The following ETV1 variants were observed in gnomAD, a reference collection of about 807,000 sequenced individuals.
ETV1 encodes ETS variant transcription factor 1, also known as ETS translocation variant 1.
ETV1 carries 27 observed loss-of-function variants against 62.3 expected under a neutral mutation model. That is an observed-to-expected ratio of 0.43 (90% CI 0.32 to 0.60). The LOEUF (loss-of-function observed/expected upper bound fraction) is 0.60. Among genes scored for constraint, ETV1 ranks in the 20% least tolerant of loss-of-function variants. ETV1 has a pLI of 0.06. For synonymous variants in ETV1, 222 were observed against 199.6 expected, an observed-to-expected ratio of 1.11 and a Z score of -0.94; for missense variants, 605 against 605.8, an observed-to-expected ratio of 1.00 and a Z score of 0.01.
At chr7:13,962,660 A>T (rs1292972138) in intron 6 of ETV1, among the ~76,000 whole-genome samples, 2 of 152,104 alleles carry the variant, frequency 1.3e-5, no homozygotes, top group East Asian at 3.9e-4. Context: ...GAAGCTGAAG[A>T]CCTATGTATA....
chr7:13,963,121 T>G (rs1182557023), intron 6 of ETV1, among the ~76,000 whole-genome samples: 1 of 152,106 alleles, frequency 6.6e-6, no homozygotes, highest in African/African-American at 2.4e-5. Context: ...TATCCCAAGG[T>G]AACTGTGAGA....
At chr7:13,918,680 C>T (rs1355408341) in intron 9 of ETV1, among the ~76,000 whole-genome samples, 1 of 148,984 alleles carries the variant, frequency 6.7e-6, no homozygotes, top group Non-Finnish European at 1.5e-5. Flanking sequence ...ACAATGAGAT[C>T]ACATGGACGC....
At chr7:13,922,157 T>G (rs1300111723) in intron 9 of ETV1, among the ~76,000 whole-genome samples, 3 of 152,084 alleles carry the variant, frequency 2.0e-5, no homozygotes, top group Non-Finnish European at 4.4e-5. Flanking sequence ...AAATAATTTG[T>G]TTAGGTGTTC....
At chr7:13,916,337 A>G (rs943456852) in intron 9 of ETV1, among the ~76,000 whole-genome samples, 3 of 152,140 alleles carry the variant, frequency 2.0e-5, no homozygotes, top group Non-Finnish European at 2.9e-5. Flanking sequence ...AAATCTTAAA[A>G]AAAAGAGAGA....
chr7:13,933,959 G>C (rs769895697), intron 8 of ETV1, among the ~76,000 whole-genome samples: 10 of 152,198 alleles, frequency 6.6e-5, no homozygotes, highest in Admixed American at 2.0e-4. Context: ...GAAATAACCA[G>C]TTTGCACAAA....
chr7:13,988,661 T>G, intron 3 of ETV1: 4 of 1,528,070 alleles, frequency 2.6e-6, no homozygotes, highest in Middle Eastern at 1.8e-4. Flanking sequence ...AAACAAAAAG[T>G]GTCAGCATTT....
At chr7:13,971,047 C>T (rs1158620866) in intron 6 of ETV1, among the ~76,000 whole-genome samples, 3 of 152,128 alleles carry the variant, frequency 2.0e-5, no homozygotes, top group Admixed American at 1.3e-4. Context: ...TCTTGGCTCA[C>T]GGCAACCTCT....
chr7:13,940,760 C>T (rs1028823789), intron 6 of ETV1, among the ~76,000 whole-genome samples: 1 of 152,138 alleles, frequency 6.6e-6, no homozygotes, highest in Admixed American at 6.5e-5. Context: ...CTTGCATTAG[C>T]TTGAATGTTA....
At chr7:13,919,890 C>CAGAGAGAG (rs34895274) in intron 9 of ETV1, among the ~76,000 whole-genome samples, 4 of 149,242 alleles carry the variant, frequency 2.7e-5, no homozygotes, top group South Asian at 2.1e-4. Context: ...GACACACACA[C>CAGAGAGAG]AGAGAGAGAG....
chr7:13,934,127 C>A (rs929955631), intron 8 of ETV1, among the ~76,000 whole-genome samples: 1 of 152,128 alleles, frequency 6.6e-6, no homozygotes, highest in Non-Finnish European at 1.5e-5. Flanking sequence ...TGTTTAATGG[C>A]CCACCCTGCA....
rs1229655088 is a variant in ETV1, at chr7:13,931,736, G to C, written c.568C>G (p.Leu190Val). Reference protein sequence around the residue: ...YPMDHRFRRQLSEPCNSFPPL... With the variant: ...YPMDHRFRRQVSEPCNSFPPL... ...GGAAAGGAGTTACAGGGTTCAGAAA[G>C]CTGGCGGCGAAATCTAGGGAATAAG... Residue 190 changes from leucine (L) to valine (V), a missense_variant, in exon 9 of 14, where the codon CTT (leucine) becomes GTT (valine). By Grantham distance (32) the Leu-to-Val change is conservative (BLOSUM62 1). Around this residue, in one of 3 missense-constraint regions of ETV1, gnomAD observed 426 missense variants for 377.8 expected, o/e 1.13. Transcript: ENST00000430479. 6.2e-7 allele frequency: 1 copy of C among 1,613,982 alleles called. No homozygotes were observed.
chr7:13,969,214 T>C lies in ETV1; in HGVS notation c.235+8213A>G, dbSNP rs189773415. Among the ~76,000 whole-genome samples, 956 of 152,300 alleles carry C rather than the reference T, an allele frequency of 6.3e-3. 7 individuals are homozygous for C. The highest frequency in any genetic ancestry group is 0.011 in the Non-Finnish European group (752 of 68,016). ...AATTGGTTCCAGTATAAAAGAAATC[T>C]ACAATCAGCAATGACTTTCTCACAG... On this transcript the variant is annotated intron_variant, in intron 6 of 13. Transcript: ENST00000430479.
rs188416293 is a variant in ETV1, at chr7:13,975,601, A to G, written c.235+1826T>C. Among the ~76,000 whole-genome samples the G allele has an allele frequency of 7.1e-3, 1,061 of 149,700 alleles. 18 individuals carry two copies. The highest frequency in any genetic ancestry group is 0.025 in the African/African-American group (1,021 of 40,904). On this transcript the variant is annotated intron_variant, in intron 6 of 13. Coordinates refer to ENST00000430479, the MANE Select transcript of ETV1 (RefSeq NM_004956.5). ...AAAAGAAAAGAAAAGAAAAAAAAAA[A>G]GGAAAGGTTTCGGGACAGAACCCTA...
chr7:13,922,594 G>A (rs541553827), intron 9 of ETV1, among the ~76,000 whole-genome samples: 1 of 152,078 alleles, frequency 6.6e-6, no homozygotes, highest in South Asian at 2.1e-4. Context: ...AAACACATCA[G>A]CCAAAACAAA....
At chr7:13,953,577 C>T (rs1165763720) in intron 6 of ETV1, among the ~76,000 whole-genome samples, 6 of 151,634 alleles carry the variant, frequency 4.0e-5, no homozygotes, top group South Asian at 4.2e-4. Flanking sequence ...AGGAATGCTA[C>T]GGCAGATGGG....
Position 13,893,612 on chromosome 7 carries a change from A to G in ETV1, c.*2254T>C, listed in dbSNP as rs953812851. On this transcript the variant is annotated 3_prime_UTR_variant, in exon 14 of 14. Coordinates refer to ENST00000430479, the MANE Select transcript of ETV1 (RefSeq NM_004956.5). Reference sequence around the variant, plus strand: ...AAAACTAGACTATTAAAAAGAAGAAAAAGGAGAAAAGAGAAAAAGAAAAAA... The same window carrying G: ...AAAACTAGACTATTAAAAAGAAGAAGAAGGAGAAAAGAGAAAAAGAAAAAA... 2.2e-5 allele frequency: 5 copies of G among 232,208 alleles called. No homozygotes were observed. The highest frequency in any genetic ancestry group is 2.2e-5 in the African/African-American group (1 of 45,180). The allele number at this position is 232,208 out of a possible 1,614,324, so 14.4% of individuals were successfully genotyped here.
chr7:13,901,095 C>T (rs1283505373), intron 12 of ETV1, among the ~76,000 whole-genome samples: 1 of 151,858 alleles, frequency 6.6e-6, no homozygotes, highest in African/African-American at 2.4e-5. Flanking sequence ...ACCTCCGCCT[C>T]CTGTGTTCAA....
At chr7:13,950,941 C>CACACACACACACAA (rs796670451) in intron 6 of ETV1, among the ~76,000 whole-genome samples, 2 of 147,108 alleles carry the variant, frequency 1.4e-5, no homozygotes, top group African/African-American at 5.1e-5. Flanking sequence ...CACACACACA[C>CACACACACACACAA]AATATCGAGC....
intron 6 of ETV1, among the ~76,000 whole-genome samples, chr7:13,950,095 G>C (rs1788622192): frequency 6.6e-6 from 1 of 152,090 alleles, no homozygotes; most frequent in African/African-American, 2.4e-5. Context: ...CATTAGATAT[G>C]ATTAAGGTTT....
Sources: allele counts gnomAD v4.1 joint callset (sites outside exome capture counted in the v4.1 genomes callset), GRCh38; gene constraint gnomAD v4.1.1; regional missense constraint gnomAD v4.1.1; transcripts MANE v1.5; gene names NCBI Gene and HGNC (gene_info 2026-07-23, HGNC 2026-07-21).